Variants in FUCA1 observed in about 807,000 individuals in gnomAD.
FUCA1 encodes the protein alpha-L-fucosidase 1, also known as tissue alpha-L-fucosidase.
A neutral mutation model predicts 56.8 loss-of-function variants in FUCA1; 52 were observed. The ratio of observed to expected loss-of-function variants is 0.92; its 90% CI spans 0.73 to 1.15. The LOEUF is 1.15. Ranked by LOEUF, FUCA1 falls within the 50% of genes most tolerant of loss-of-function variation. FUCA1 has a pLI of 0.00. For synonymous variants in FUCA1, 230 were observed against 226.6 expected (o/e 1.02, Z -0.14); for missense variants, 568 against 592.6 (o/e 0.96, Z 0.43).
chr1:23,845,742 C>T lies in FUCA1; in HGVS notation c.1374G>A (p.Trp458Ter), dbSNP rs759382295. ...PPSAVPAEFA[W>*]TIKLTGVK ...ACTTCACTCCTGTCAGCTTTATAGT[C>T]CAAGCAAACTCTGCGGGGACAGCAG... The change falls in exon 8 of 8, where the codon TGG (tryptophan) becomes TGA (stop). Residue 458 changes from tryptophan (W) to a stop codon, truncating the protein, a stop_gained. Transcript: ENST00000374479. LOFTEE classifies it high-confidence loss of function. 6.2e-7 allele frequency: 1 copy of T among 1,614,160 alleles called. No homozygotes were observed. Among genetic ancestry groups the T allele is most frequent in the Non-Finnish European group, 8.5e-7 (1 of 1,180,026 alleles).
At chr1:23,858,520 C>T (rs543363007) in intron 4 of FUCA1, among the ~76,000 whole-genome samples, 4 of 152,290 alleles carry the variant, frequency 2.6e-5, no homozygotes, top group African/African-American at 4.8e-5. Context: ...TTTGCAAGTA[C>T]GCTAAAATAC....
In FUCA1 at chr1:23,859,806, G is replaced by A; in HGVS notation, c.760C>T (p.Pro254Ser). ...GTCATATAATCACATACCTTGACAG[G>A]GCTGTCATTGTAGAGCCATGAAAGA... ...NFLSWLYNDSPVKDEVVVNDR... is the reference protein window; with the variant it reads ...NFLSWLYNDSSVKDEVVVNDR... Residue 254 changes from proline (P) to serine (S), a missense_variant, in exon 4 of 8, where the codon CCT becomes TCT. Physicochemically the swap from Pro to Ser is moderately conservative, Grantham distance 74 (BLOSUM62 -1). Transcript: ENST00000374479. 6.3e-7 allele frequency: 1 copy of A among 1,596,032 alleles called. No homozygotes were observed.
At chr1:23,863,112 C>T in intron 3 of FUCA1, 22 bp downstream of exon 3, 2 of 1,613,278 alleles carry the variant, frequency 1.2e-6, no homozygotes, top group South Asian at 1.1e-5. Flanking sequence ...AGTCATAGGG[C>T]CAAAATATTT....
chr1:23,861,239 C>T lies in FUCA1; in HGVS notation c.663-1336G>A, dbSNP rs545085718. Among the ~76,000 whole-genome samples, 396 of 143,460 alleles carry T rather than the reference C, an allele frequency of 2.8e-3. 2 individuals carry two copies. Among genetic ancestry groups the T allele is most frequent in the African/African-American group, 9.7e-3 (375 of 38,582 alleles). The allele number at this position is 143,460 out of a possible 152,430, so 94.1% of individuals were successfully genotyped here. A position where few individuals can be genotyped will look rare whatever the true frequency, so the allele number is the denominator to read the frequency against. On this transcript the variant is annotated intron_variant, in intron 3 of 7. Transcript: ENST00000374479. ...TTGGGAGGCTGAGGCAGGAGAATGG[C>T]GTGAACCCGGGAGGCGGAGCTTGCA... is the stretch of plus-strand genomic sequence containing the variant.
At chr1:23,851,641 A>G (rs910226867) in intron 5 of FUCA1, among the ~76,000 whole-genome samples, 2 of 152,150 alleles carry the variant, frequency 1.3e-5, no homozygotes, top group African/African-American at 4.8e-5. Flanking sequence ...ATGAAGCTGG[A>G]CATCACTCTT....
At chr1:23,853,478 G>A (rs1218652444) in intron 5 of FUCA1, among the ~76,000 whole-genome samples, 14 of 151,186 alleles carry the variant, frequency 9.3e-5, no homozygotes, top group African/African-American at 2.2e-4. Context: ...CGCCCGGTCC[G>A]GGAGGTGAGG....
chr1:23,852,132 T>C (rs1443818232), intron 5 of FUCA1, among the ~76,000 whole-genome samples: 1 of 149,026 alleles, frequency 6.7e-6, no homozygotes, highest in Non-Finnish European at 1.5e-5. Flanking sequence ...AGTTAAAAAA[T>C]AGTGAACTCA....
intron 2 of FUCA1, 131 bp downstream of exon 2, chr1:23,865,360 G>T: frequency 6.0e-6 from 7 of 1,168,314 alleles, no homozygotes; most frequent in Non-Finnish European, 8.9e-6. Flanking sequence ...ACACACAGGA[G>T]TAGAAGGCCA....
chr1:23,858,659 A>G (rs1557512319), intron 4 of FUCA1, among the ~76,000 whole-genome samples: 1 of 152,266 alleles, frequency 6.6e-6, no homozygotes, highest in Non-Finnish European at 1.5e-5. Flanking sequence ...GAGTTAAACT[A>G]TAAAATCAAC....
chr1:23,855,487 G>T (rs1005315168), intron 4 of FUCA1, among the ~76,000 whole-genome samples: 2 of 152,346 alleles, frequency 1.3e-5, no homozygotes, highest in South Asian at 4.1e-4. Flanking sequence ...ACAGCAGAGC[G>T]AGACTCCGTC....
intron 7 of FUCA1, 48 bp downstream of exon 7, chr1:23,846,026 A>G: frequency 6.5e-7 from 1 of 1,531,130 alleles, no homozygotes; most frequent in Non-Finnish European, 9.1e-7. Context: ...AGGATCTGCC[A>G]ATTCCTTTAC....
chr1:23,850,827 G>A (rs1639239880), intron 5 of FUCA1, among the ~76,000 whole-genome samples: 1 of 151,926 alleles, frequency 6.6e-6, no homozygotes, highest in Non-Finnish European at 1.5e-5. Flanking sequence ...GTCTCACTAT[G>A]TTGTTTAGGC....
At chr1:23,850,188 C>T (rs1254836172) in intron 5 of FUCA1, among the ~76,000 whole-genome samples, 4 of 151,444 alleles carry the variant, frequency 2.6e-5, no homozygotes, top group African/African-American at 4.8e-5. Flanking sequence ...CAGTGGTAGG[C>T]ACCTGTAGTC....
chr1:23,868,202 G>C lies in FUCA1; in HGVS notation c.85C>G (p.Arg29Gly). Residue 29 changes from arginine to glycine, a missense_variant, in exon 1 of 8, where the codon CGT (arginine) becomes GGT (glycine). By Grantham distance (125) the Arg-to-Gly change is moderately radical. Coordinates refer to ENST00000374479, the MANE Select transcript of FUCA1 (RefSeq NM_000147.5). ...LLFLGAAESVRRAQPPRRYTP... is the reference protein window; with the variant it reads ...LLFLGAAESVGRAQPPRRYTP... ...TAGCGGCGCGGAGGCTGGGCCCGACGCACCGACTCGGCCGCTCCGAGGAAG... is the reference window on the plus strand; with the variant it reads ...TAGCGGCGCGGAGGCTGGGCCCGACCCACCGACTCGGCCGCTCCGAGGAAG... The C allele has an allele frequency of 6.3e-7, 1 of 1,596,224 alleles. No individual in the cohort carries two copies. Among genetic ancestry groups the C allele is most frequent in the South Asian group, 1.1e-5 (1 of 89,186 alleles).
chr1:23,863,317 A>AACTGTC, intron 2 of FUCA1, 46 bp from the exon 3 acceptor site: 1 of 1,593,908 alleles, frequency 6.3e-7, no homozygotes, highest in Non-Finnish European at 8.5e-7. Flanking sequence ...GCATAGAACA[A>AACTGTC]ATAATTTATT....
At position 23,867,949 on chromosome 1, in the gene FUCA1, C is replaced by G; in HGVS notation, c.338G>C (p.Arg113Pro). 6.3e-7 allele frequency: 1 copy of G among 1,575,108 alleles called. No individual in the cohort carries two copies. Among genetic ancestry groups the G allele is most frequent in the Non-Finnish European group, 8.6e-7 (1 of 1,161,262 alleles). The change falls in exon 1 of 8, where the codon CGC becomes CCC. Residue 113 changes from arginine (R) to proline (P), a missense_variant. Physicochemically the swap from Arg to Pro is moderately radical, Grantham distance 103. Transcript: ENST00000374479. This position sits in a 1 kb window ranked among gnomAD's most constrained non-coding sequence, Gnocchi z 4.9. The stretch of plus-strand genomic sequence containing the variant: ...GGCCCACTCCTCCGGGTGGAAGAAG[C>G]GCGCAGTGAACTGCGGTCCGAAGTC... ...YADFGPQFTA[R>P]FFHPEEWADL...
At chr1:23,861,322 C>CAAAAAAA (rs34240712) in intron 3 of FUCA1, among the ~76,000 whole-genome samples, 6 of 60,482 alleles carry the variant, frequency 9.9e-5, no homozygotes, top group Non-Finnish European at 9.5e-5. Flanking sequence ...GACTCCGTCT[C>CAAAAAAA]AAAAAAAAAA....
chr1:23,865,755 A>G, intron 1 of FUCA1, 130 bp from the exon 2 acceptor site: 4 of 992,006 alleles, frequency 4.0e-6, no homozygotes, highest in Admixed American at 1.8e-5. Flanking sequence ...ACCAGTGACT[A>G]TATTAGTGAT....
At chr1:23,865,834 A>G (rs538295265) in intron 1 of FUCA1, among the ~76,000 whole-genome samples, 7 of 152,348 alleles carry the variant, frequency 4.6e-5, no homozygotes, top group Middle Eastern at 6.8e-3. Flanking sequence ...GATTTGAGGA[A>G]GTCCCAACCC....
Sources: allele counts gnomAD v4.1 joint callset (sites outside exome capture counted in the v4.1 genomes callset), GRCh38; gene constraint gnomAD v4.1.1; non-coding constraint Gnocchi (gnomAD v3.1); transcripts MANE v1.5; gene names NCBI Gene and HGNC (gene_info 2026-07-23, HGNC 2026-07-21).